The following DPEP2 variants were observed in gnomAD, a reference collection of about 807,000 sequenced individuals.
The protein encoded by DPEP2 is dipeptidase 2.
In DPEP2, 45 loss-of-function variants were observed where a neutral mutation model predicts 51.8. The ratio of observed to expected loss-of-function variants is 0.87; its 90% CI spans 0.68 to 1.11. The LOEUF is 1.11. Among genes scored for constraint, DPEP2 ranks in the 50% most tolerant of loss-of-function variants. The pLI, the probability that DPEP2 is intolerant of heterozygous loss-of-function variation, is 0.00. For missense variants in DPEP2, 604 were observed against 631.9 expected (o/e 0.96, Z 0.47); for synonymous variants, 255 against 262.7 (o/e 0.97, Z 0.28).
intron 9 of DPEP2, among the ~76,000 whole-genome samples, chr16:67,988,472 G>GCA (rs1004227402): frequency 1.3e-4 from 20 of 151,892 alleles, no homozygotes; most frequent in Non-Finnish European, 2.5e-4. Flanking sequence ...GCATCATGGC[G>GCA]CACACCTGTA....
At chr16:67,989,110 G>T (rs2031803385) in intron 9 of DPEP2, among the ~76,000 whole-genome samples, 1 of 152,178 alleles carries the variant, frequency 6.6e-6, no homozygotes. Flanking sequence ...GGGCTTGGGG[G>T]TACGTGCAGT....
At position 67,992,941 on chromosome 16, in the gene DPEP2, AT is replaced by A; in HGVS notation, c.263+8del. 6.2e-7 allele frequency: 1 copy of A among 1,607,440 alleles called. No individual in the cohort carries two copies. ...CAGCTCCCATCGCCCCCTTGCAGCAATTACGCACCCGTCCACGAGCGGGAAG... is the reference window on the plus strand; with the variant it reads ...CAGCTCCCATCGCCCCCTTGCAGCAATACGCACCCGTCCACGAGCGGGAAG... On this transcript the variant is annotated splice_region_variant and intron_variant, in intron 2 of 10. Coordinates refer to ENST00000393847, the MANE Select transcript of DPEP2 (RefSeq NM_022355.4).
At chr16:67,996,988 A>C (rs1295993957) in intron 1 of DPEP2, among the ~76,000 whole-genome samples, 1 of 145,270 alleles carries the variant, frequency 6.9e-6, no homozygotes, top group Non-Finnish European at 1.5e-5. Flanking sequence ...TCTGTAAAAA[A>C]ATAGATAATG....
At position 67,990,867 on chromosome 16, in the gene DPEP2, A is replaced by G; in HGVS notation, c.863T>C (p.Val288Ala). Residue 288 changes from valine (V) to alanine (A), a missense_variant, in exon 7 of 11, where the codon GTG (valine) becomes GCG (alanine). By Grantham distance (64) the Val-to-Ala change is moderately conservative. Coordinates refer to ENST00000393847, the MANE Select transcript of DPEP2 (RefSeq NM_022355.4). ...VIFSHSAARGVCNSARNVPDD... is the reference protein window; with the variant it reads ...VIFSHSAARGACNSARNVPDD... ...AGGAACATTCCGAGCACTGTTGCAC[A>G]CACCCCGGGCAGCCGAGTGGGAGAA... 2 of 1,614,174 alleles carry G rather than the reference A, an allele frequency of 1.2e-6. No individual in the cohort carries two copies. The highest frequency in any genetic ancestry group is 1.7e-6 in the Non-Finnish European group (2 of 1,180,032).
At chr16:67,993,692 C>T (rs1567451753) in intron 1 of DPEP2, 3 of 986,842 alleles carry the variant, frequency 3.0e-6, no homozygotes, top group East Asian at 1.1e-4. Flanking sequence ...CAACGTGTCC[C>T]GGCCACACCC....
At chr16:67,993,445 G>T in intron 1 of DPEP2, 188 bp from the exon 2 acceptor site, 1 of 1,257,348 alleles carries the variant, frequency 8.0e-7, no homozygotes, top group Non-Finnish European at 1.0e-6. Context: ...TCATCCCCAA[G>T]GGCGCTCCCG....
chr16:67,992,343 G>A, intron 3 of DPEP2, 150 bp from the exon 4 acceptor site: 1 of 1,434,690 alleles, frequency 7.0e-7, no homozygotes, highest in South Asian at 1.3e-5. Flanking sequence ...TGGCCACCAA[G>A]CTGGCTCACT....
At chr16:67,992,707 G>C (rs2032328514) in intron 2 of DPEP2, 71 bp from the exon 3 acceptor site, 2 of 1,568,376 alleles carry the variant, frequency 1.3e-6, no homozygotes, top group Non-Finnish European at 8.7e-7. Context: ...AGTTCAGGAA[G>C]GACACATCTG....
chr16:67,988,593 C>G (rs1173498351), intron 9 of DPEP2, among the ~76,000 whole-genome samples: 1 of 143,198 alleles, frequency 7.0e-6, no homozygotes, highest in Non-Finnish European at 1.5e-5. Context: ...ACAGAGTGAG[C>G]CTCTGTCTCA....
rs544961141 is a variant in DPEP2 at position 67,989,456 on chromosome 16, C to T, written c.995-58G>A. 10 of 1,577,578 alleles carry T rather than the reference C, an allele frequency of 6.3e-6. No individual in the cohort carries two copies. In the South Asian group the frequency reaches 8.9e-5, roughly 14 times the overall value. ...TAGGGCTTCCAGGGCAGGGGTGCCA[C>T]TGGGGCTGGATGGCACTGAGTCTCC... On this transcript the variant is annotated intron_variant, in intron 8 of 10. Transcript: ENST00000393847.
Position 67,992,149 on chromosome 16 carries a change from G to A in DPEP2, c.435C>T (p.Ala145=), listed in dbSNP as rs369854610. Residue 145 remains alanine, a synonymous_variant, in exon 4 of 11, where the codon GCC becomes GCT. Transcript: ENST00000393847. ...CAATCTGCTCCAGGGTGAGGCGCAG[G>A]GCATCCCGGTCCTGGGTCTGGCATG... ...YVPCQTQDRD[A]LRLTLEQIDL... is the part of the protein sequence containing the mutation. 2 of 1,614,064 alleles carry A rather than the reference G, an allele frequency of 1.2e-6. No individual in the cohort carries two copies. Among genetic ancestry groups the A allele is most frequent in the African/African-American group, 2.7e-5 (2 of 74,928 alleles).
intron 9 of DPEP2, 157 bp from the exon 10 acceptor site, chr16:67,988,144 G>T: frequency 2.3e-6 from 2 of 874,448 alleles, no homozygotes; most frequent in Non-Finnish European, 3.4e-6. Context: ...CCTTCAGAAG[G>T]AGGCCTCAAA....
At position 67,987,908 on chromosome 16, in the gene DPEP2, C is replaced by G; in HGVS notation, c.1150G>C (p.Glu384Gln). 3 of 1,614,170 alleles carry G rather than the reference C, an allele frequency of 1.9e-6. No homozygotes were observed. The highest frequency in any genetic ancestry group is 2.5e-6 in the Non-Finnish European group (3 of 1,180,036). The change falls in exon 10 of 11, where the codon GAG (glutamate) becomes CAG (glutamine). Residue 384 changes from glutamate (E) to glutamine (Q), a missense_variant. Transcript: ENST00000393847. ...TTTCCACGAAGGACACCCTGAAGCTCTTCCTCACTCCAGCCACGACTCAGC... is the reference window on the plus strand; with the variant it reads ...TTTCCACGAAGGACACCCTGAAGCTGTTCCTCACTCCAGCCACGACTCAGC... The part of the protein sequence containing the change: ...ELLSRGWSEE[E>Q]LQGVLRGNLL...
Position 67,991,402 on chromosome 16 carries a change from C to T in DPEP2, c.663-218G>A, listed in dbSNP as rs2032142156. Among the ~76,000 whole-genome samples, 1 of 148,842 alleles carries T rather than the reference C, an allele frequency of 6.7e-6. No individual in the cohort carries two copies. Among genetic ancestry groups the T allele is most frequent in the South Asian group, 2.1e-4 (1 of 4,744 alleles). On this transcript the variant is annotated intron_variant, in intron 5 of 10. Transcript: ENST00000393847. The surrounding 1 kb of genome is among the most constrained non-coding windows in gnomAD (Gnocchi z 5.1). ...TTTTTTTTTTGGCAATAGAGTCTCG[C>T]TCTGTCACCCAGGCAGGAGTGCAGT...
In DPEP2 at chr16:67,987,500, G is replaced by A; in HGVS notation, c.*6C>T. ...ACAGTGACATCTGGCAGGACTAACTGGGTCATCAGAGCCACAGAATAAGGA... is the reference window on the plus strand; with the variant it reads ...ACAGTGACATCTGGCAGGACTAACTAGGTCATCAGAGCCACAGAATAAGGA... On this transcript the variant is annotated 3_prime_UTR_variant, in exon 11 of 11. Transcript: ENST00000393847. The A allele has an allele frequency of 6.2e-6, 10 of 1,604,300 alleles. No homozygotes were observed. Among genetic ancestry groups the A allele is most frequent in the Non-Finnish European group, 8.5e-6 (10 of 1,171,856 alleles).
rs371728044 is a variant in DPEP2, at chr16:67,988,013, T to A, written c.1071-26A>T. 3 of 1,613,846 alleles carry A rather than the reference T, an allele frequency of 1.9e-6. No homozygotes were observed. The African/African-American group carries it at 4.0e-5, about 22-fold the overall frequency. ...CTGTGTGGCCACCAGCTAGTGGGTTTCAGACCTGATTCCCTGATCATGACT... is the reference window on the plus strand; with the variant it reads ...CTGTGTGGCCACCAGCTAGTGGGTTACAGACCTGATTCCCTGATCATGACT... On this transcript the variant is annotated intron_variant, in intron 9 of 10. Transcript: ENST00000393847.
chr16:67,991,271 C>A lies in DPEP2; in HGVS notation c.663-87G>T, dbSNP rs1186385761. The A allele has an allele frequency of 7.3e-7, 1 of 1,375,914 alleles. No homozygotes were observed. Among genetic ancestry groups the A allele is most frequent in the Non-Finnish European group, 1.0e-6 (1 of 990,898 alleles). 85.2% of individuals were successfully genotyped at this position (1,375,914 alleles called of 1,614,324 possible). On this transcript the variant is annotated intron_variant, in intron 5 of 10. Transcript: ENST00000393847. This position sits in a 1 kb window ranked among gnomAD's most constrained non-coding sequence, Gnocchi z 5.1. The stretch of plus-strand genomic sequence containing the variant: ...GCCCTACCCACCCTCCATCCCTGCA[C>A]CCCCCTGAAACAAAAACAGGGATCC...
intron 1 of DPEP2, chr16:67,994,957 G>A: frequency 2.1e-6 from 2 of 939,684 alleles, no homozygotes; most frequent in African/African-American, 3.5e-5. Context: ...CTAGAGGGTA[G>A]TGGCACAATC....
rs1434765900 is a variant in DPEP2 at position 67,991,136 on chromosome 16, G to T, written c.711C>A (p.Ser237Arg). The T allele has an allele frequency of 1.2e-6, 2 of 1,614,112 alleles. No individual in the cohort carries two copies. The highest frequency in any genetic ancestry group is 1.7e-6 in the Non-Finnish European group (2 of 1,180,016). The change falls in exon 6 of 11, where the codon AGC becomes AGA. Residue 237 changes from serine to arginine, a missense_variant. By Grantham distance (110) the Ser-to-Arg change is moderately radical. Transcript: ENST00000393847. The surrounding 1 kb of genome is among the most constrained non-coding windows in gnomAD (Gnocchi z 5.1). ...KGVHSFYNNI[S>R]GLTDFGEKVV... ...TCACCTCACCAAAGTCAGTCAGCCC[G>T]CTGATGTTGTTGTAGAAGGAGTGGA...
Sources: allele counts gnomAD v4.1 joint callset (sites outside exome capture counted in the v4.1 genomes callset), GRCh38; gene constraint gnomAD v4.1.1; non-coding constraint Gnocchi (gnomAD v3.1); transcripts MANE v1.5; gene names NCBI Gene and HGNC (gene_info 2026-07-23, HGNC 2026-07-21).